Variants in PCDH11X observed in about 807,000 individuals in gnomAD.
PCDH11X encodes protocadherin-11 X-linked.
A neutral mutation model predicts 53.3 loss-of-function variants in PCDH11X; 18 were observed. That is an observed-to-expected ratio of 0.34 (90% CI 0.23 to 0.50). The LOEUF (loss-of-function observed/expected upper bound fraction) is 0.50. PCDH11X is among the 20% of genes least tolerant of loss of function. PCDH11X has a pLI of 0.98. For missense variants in PCDH11X, 570 were observed against 1,032.4 expected (o/e 0.55, Z 6.14); for synonymous variants, 279 against 393.3 (o/e 0.71, Z 3.44).
chrX:92,451,281 T>A (rs1389209140), intron 9 of PCDH11X, among the ~76,000 whole-genome samples: 3 of 110,828 alleles, frequency 2.7e-5, no homozygotes, highest in Non-Finnish European at 5.7e-5. Context: ...ATAGTTAAAA[T>A]CAGTGTACCT....
chrX:91,781,973 G>A (rs1935161708), intron 1 of PCDH11X, among the ~76,000 whole-genome samples: 1 of 111,559 alleles, frequency 9.0e-6, no homozygotes, highest in African/African-American at 3.3e-5. Flanking sequence ...TGCCTACCAG[G>A]CCGGAGAACC....
chrX:92,125,448 G>T (rs902100874), intron 6 of PCDH11X, among the ~76,000 whole-genome samples: 1 of 111,003 alleles, frequency 9.0e-6, no homozygotes, highest in African/African-American at 3.3e-5. Context: ...TAGTTTTGAT[G>T]ACTTAGTTAT....
At chrX:92,584,749 G>T (rs1393741243) in intron 10 of PCDH11X, among the ~76,000 whole-genome samples, 1 of 102,219 alleles carries the variant, frequency 9.8e-6, no homozygotes, top group Non-Finnish European at 2.0e-5. Flanking sequence ...AAGTAATCAT[G>T]ACAACTCATT....
At chrX:92,147,854 T>TCTTTCTTTCTTTC (rs1467457236) in intron 6 of PCDH11X, among the ~76,000 whole-genome samples, 5 of 56,600 alleles carry the variant, frequency 8.8e-5, no homozygotes, top group South Asian at 8.5e-4. Flanking sequence ...TTTCTTTCTT[T>TCTTTCTTTCTTTC]TTTCTTTTCT....
At chrX:92,217,814 C>T (rs1221819193) in intron 7 of PCDH11X, among the ~76,000 whole-genome samples, 1 of 111,322 alleles carries the variant, frequency 9.0e-6, no homozygotes, top group East Asian at 2.8e-4. Flanking sequence ...TAAAGGTCTC[C>T]TCAGCAAATG....
At chrX:92,166,340 T>A (rs1247315258) in intron 6 of PCDH11X, among the ~76,000 whole-genome samples, 1 of 109,221 alleles carries the variant, frequency 9.2e-6, no homozygotes, top group Non-Finnish European at 1.9e-5. Flanking sequence ...TGTGTAATAT[T>A]TTTGAGTAAA....
intron 6 of PCDH11X, among the ~76,000 whole-genome samples, chrX:91,987,036 T>C (rs2062238236): frequency 1.8e-5 from 2 of 109,820 alleles, no homozygotes; most frequent in Admixed American, 1.9e-4. Flanking sequence ...TGAAATATTT[T>C]AGATAGGGCC....
intron 6 of PCDH11X, among the ~76,000 whole-genome samples, chrX:92,147,322 G>A (rs1159635434): frequency 1.9e-5 from 2 of 107,129 alleles, no homozygotes; most frequent in South Asian, 4.2e-4. Flanking sequence ...ACATTTTCTC[G>A]GTATATGCCC....
chrX:92,125,485 A>G (rs1286013495), intron 6 of PCDH11X, among the ~76,000 whole-genome samples: 3 of 110,637 alleles, frequency 2.7e-5, no homozygotes. Flanking sequence ...TCATAGGTAC[A>G]TTATGTAACA....
At chrX:92,475,204 C>G (rs1359210402) in intron 10 of PCDH11X, among the ~76,000 whole-genome samples, 1 of 92,099 alleles carries the variant, frequency 1.1e-5, no homozygotes, top group African/African-American at 4.2e-5. Flanking sequence ...GAATAGTTTA[C>G]ACACCAAAGT....
chrX:92,192,582 C>T (rs2066214882), intron 6 of PCDH11X, among the ~76,000 whole-genome samples: 1 of 111,082 alleles, frequency 9.0e-6, no homozygotes, highest in South Asian at 3.8e-4. Flanking sequence ...CTCTTGACCT[C>T]ATGATCCGCC....
chrX:91,792,278 A>G (rs1183924364), intron 1 of PCDH11X, among the ~76,000 whole-genome samples: 1 of 112,126 alleles, frequency 8.9e-6, no homozygotes, highest in African/African-American at 3.2e-5. Context: ...ATATGAAATA[A>G]TTTCTTGGCC....
rs377612429 is a variant in PCDH11X at position 91,889,405 on chromosome X, G to A, written c.3033+10132G>A. On this transcript the variant is annotated intron_variant, in intron 6 of 10. Transcript: ENST00000682573. ...CTGATCTCAGCTCACTGCAACCTCCGCCTCCTGGGTTCAAGAGATTCTCCT... is the reference window on the plus strand; with the variant it reads ...CTGATCTCAGCTCACTGCAACCTCCACCTCCTGGGTTCAAGAGATTCTCCT... Among the ~76,000 whole-genome samples, 19 of 110,790 alleles carry A rather than the reference G, an allele frequency of 1.7e-4. No homozygotes were observed. The East Asian group carries it at 4.3e-3, about 25-fold the overall frequency.
chrX:92,252,880 T>G lies in PCDH11X; in HGVS notation c.3115-10234T>G, dbSNP rs984866742. ...AGACATGGATTCCCTGACTTCCCAT[T>G]CCCGTCTAACTTCCTTTACTCTGAC... On this transcript the variant is annotated intron_variant, in intron 7 of 10. Transcript: ENST00000682573. Among the ~76,000 whole-genome samples the G allele has an allele frequency of 4.5e-5, 5 of 110,851 alleles. No homozygotes were observed. The Admixed American group carries it at 4.8e-4, about 11-fold the overall frequency.
intron 5 of PCDH11X, among the ~76,000 whole-genome samples, chrX:91,837,779 T>C (rs1482784786): frequency 9.0e-6 from 1 of 110,966 alleles, no homozygotes; most frequent in Non-Finnish European, 1.9e-5. Flanking sequence ...ACAACAGAAT[T>C]TTCTGCAAGG....
chrX:92,365,302 A>G (rs2755065), intron 8 of PCDH11X, among the ~76,000 whole-genome samples: 2,677 of 105,085 alleles, frequency 0.025, 123 homozygotes, highest in African/African-American at 0.089. Flanking sequence ...CCAATAACAT[A>G]GTTATTTATT....
At chrX:92,167,265 T>A in intron 6 of PCDH11X, among the ~76,000 whole-genome samples, 1 of 111,740 alleles carries the variant, frequency 8.9e-6, no homozygotes, top group Non-Finnish European at 1.9e-5. Context: ...AAAATAGACA[T>A]TGAAAGACAC....
intron 10 of PCDH11X, among the ~76,000 whole-genome samples, chrX:92,603,758 A>G (rs922374861): frequency 2.0e-5 from 2 of 97,935 alleles, no homozygotes; most frequent in Non-Finnish European, 4.1e-5. Flanking sequence ...GTTACATAAA[A>G]TACTAAAGGA....
chrX:92,087,821 T>C (rs1360196377), intron 6 of PCDH11X, among the ~76,000 whole-genome samples: 1 of 109,437 alleles, frequency 9.1e-6, no homozygotes, highest in Non-Finnish European at 1.9e-5. Flanking sequence ...CCTCCAAATA[T>C]GTACTCGTAA....
Sources: allele counts gnomAD v4.1 joint callset (sites outside exome capture counted in the v4.1 genomes callset), GRCh38; gene constraint gnomAD v4.1.1; transcripts MANE v1.5; gene names NCBI Gene and HGNC (gene_info 2026-07-23, HGNC 2026-07-21).